The following COL8A1 variants were observed in gnomAD, a reference collection of about 807,000 sequenced individuals.
COL8A1 encodes collagen type VIII alpha 1 chain, also known as collagen alpha-1(VIII) chain.
COL8A1 carries 21 observed loss-of-function variants against 42.7 expected under a neutral mutation model. The observed-to-expected ratio is 0.49, with a 90% CI of 0.35 to 0.71. The LOEUF (loss-of-function observed/expected upper bound fraction) is 0.71. Ranked by LOEUF, COL8A1 falls within the 30% of genes least tolerant of loss-of-function variation. The probability of loss-of-function intolerance (pLI) is 0.01; values close to 1 mark genes in which losing one functional copy is unlikely to be tolerated. For synonymous variants in COL8A1, 367 were observed against 369.1 expected, an observed-to-expected ratio of 0.99 and a Z score of 0.06; for missense variants, 788 against 962.4, an observed-to-expected ratio of 0.82 and a Z score of 2.40.
At chr3:99,787,780 C>G (rs1165790573) in intron 2 of COL8A1, among the ~76,000 whole-genome samples, 1 of 152,062 alleles carries the variant, frequency 6.6e-6, no homozygotes, top group Non-Finnish European at 1.5e-5. Context: ...TGACATGACA[C>G]CCATCACTAA....
At chr3:99,765,398 G>A (rs1481936954) in intron 2 of COL8A1, among the ~76,000 whole-genome samples, 1 of 152,160 alleles carries the variant, frequency 6.6e-6, no homozygotes, top group Non-Finnish European at 1.5e-5. Context: ...GGAATACAAT[G>A]AGAATCCACA....
intron 1 of COL8A1, among the ~76,000 whole-genome samples, chr3:99,701,262 T>C (rs932827862): frequency 2.6e-5 from 4 of 152,208 alleles, no homozygotes; most frequent in African/African-American, 7.2e-5. Context: ...TAAAAGATCT[T>C]GGGTTTGTGT....
intron 1 of COL8A1, among the ~76,000 whole-genome samples, chr3:99,640,325 A>G (rs1447143093): frequency 6.6e-6 from 1 of 152,216 alleles, no homozygotes; most frequent in Non-Finnish European, 1.5e-5. Context: ...AACCATGACA[A>G]GAGTACAGGT....
intron 1 of COL8A1, among the ~76,000 whole-genome samples, chr3:99,708,707 C>T (rs1478657722): frequency 3.3e-5 from 5 of 152,132 alleles, no homozygotes; most frequent in South Asian, 2.1e-4. Context: ...TGACACCTCA[C>T]AGCAGAATTT....
At chr3:99,734,015 A>C (rs1034345413) in intron 1 of COL8A1, among the ~76,000 whole-genome samples, 11 of 151,808 alleles carry the variant, frequency 7.2e-5, no homozygotes, top group South Asian at 2.1e-4. Flanking sequence ...TTTCTTGTAA[A>C]TTTGTTTGAG....
At chr3:99,667,987 A>T (rs1053934031) in intron 1 of COL8A1, among the ~76,000 whole-genome samples, 8 of 152,142 alleles carry the variant, frequency 5.3e-5, no homozygotes, top group Non-Finnish European at 1.0e-4. Context: ...TCTCCATATG[A>T]GCTGGACCAG....
intron 1 of COL8A1, among the ~76,000 whole-genome samples, chr3:99,671,698 G>C (rs773175730): frequency 1.3e-5 from 2 of 151,930 alleles, no homozygotes; most frequent in African/African-American, 2.4e-5. Context: ...GGAGAAAATG[G>C]AACCATTGTA....
chr3:99,764,570 G>C (rs1941423535), intron 2 of COL8A1, among the ~76,000 whole-genome samples: 1 of 151,978 alleles, frequency 6.6e-6, no homozygotes, highest in Non-Finnish European at 1.5e-5. Flanking sequence ...TTCCAGTCCT[G>C]TTACTTACTG....
At position 99,798,177 on chromosome 3, in the gene COL8A1, T is replaced by G. The variant is rs1368139578; in HGVS notation, c.*2041T>G. The G allele has an allele frequency of 6.6e-6, 1 of 152,244 alleles. No homozygotes were observed. The highest frequency in any genetic ancestry group is 1.5e-5 in the Non-Finnish European group (1 of 68,038). The allele number at this position is 152,244 out of a possible 1,614,324, so 9.4% of individuals were successfully genotyped here. ...TTGGCCAATATCTCATTTCCCTATA[T>G]AGTATACAAGCACCATTTCTTCTCA... is the stretch of plus-strand genomic sequence containing the variant. On this transcript the variant is annotated 3_prime_UTR_variant, in exon 4 of 4. Transcript: ENST00000652472.
intron 2 of COL8A1, among the ~76,000 whole-genome samples, chr3:99,747,279 A>G (rs554752685): frequency 1.8e-4 from 27 of 152,348 alleles, no homozygotes; most frequent in African/African-American, 6.3e-4. Flanking sequence ...CCTCTAAGCA[A>G]CAATCATCAT....
chr3:99,649,426 A>G (rs1385267621), intron 1 of COL8A1, among the ~76,000 whole-genome samples: 1 of 152,170 alleles, frequency 6.6e-6, no homozygotes, highest in Non-Finnish European at 1.5e-5. Context: ...TTGACGGTGA[A>G]TAAAGATTTT....
rs561542368 is a variant in COL8A1, at chr3:99,736,778, G to A, written c.-128-8119G>A. Among the ~76,000 whole-genome samples the A allele has an allele frequency of 4.5e-3, 681 of 151,186 alleles. 4 individuals are homozygous for A. The highest frequency in any genetic ancestry group is 0.016 in the African/African-American group (642 of 41,364). On this transcript the variant is annotated intron_variant, in intron 1 of 3. Transcript: ENST00000652472. ...TGGTGCAGAGCTGAGTTCAATTCCT[G>A]GGTATCCTTGTTGACTTTCTGTCTC... is the stretch of plus-strand genomic sequence containing the variant.
At chr3:99,735,101 G>C (rs1474351664) in intron 1 of COL8A1, among the ~76,000 whole-genome samples, 1 of 148,342 alleles carries the variant, frequency 6.7e-6, no homozygotes, top group Non-Finnish European at 1.5e-5. Flanking sequence ...TGCAAACAGG[G>C]ACAATTTGAC....
At chr3:99,757,798 G>A (rs763774006) in intron 2 of COL8A1, among the ~76,000 whole-genome samples, 4 of 152,140 alleles carry the variant, frequency 2.6e-5, no homozygotes, top group African/African-American at 7.2e-5. Flanking sequence ...AGTATTTAAT[G>A]AGAAAACAGA....
At chr3:99,728,092 T>C (rs1429991280) in intron 1 of COL8A1, among the ~76,000 whole-genome samples, 6 of 151,844 alleles carry the variant, frequency 4.0e-5, no homozygotes, top group Non-Finnish European at 7.4e-5. Context: ...AAGACAGGGA[T>C]ACCCTCTCTC....
chr3:99,784,651 C>T (rs532371122), intron 2 of COL8A1, among the ~76,000 whole-genome samples: 18 of 152,264 alleles, frequency 1.2e-4, no homozygotes, highest in South Asian at 2.1e-4. Context: ...AAAGATAATG[C>T]ATTGCACCAC....
intron 1 of COL8A1, among the ~76,000 whole-genome samples, chr3:99,674,444 TA>T (rs372040145): frequency 1.5e-3 from 211 of 142,514 alleles, no homozygotes; most frequent in East Asian, 3.6e-3. Flanking sequence ...TCTCCTTTTT[TA>T]AAAAAAAAAA....
At chr3:99,692,979 T>G (rs935835827) in intron 1 of COL8A1, among the ~76,000 whole-genome samples, 2 of 152,212 alleles carry the variant, frequency 1.3e-5, no homozygotes, top group Admixed American at 1.3e-4. Context: ...ACCAACATGG[T>G]GAAACCTTGT....
intron 1 of COL8A1, among the ~76,000 whole-genome samples, chr3:99,657,474 A>G (rs1938058020): frequency 6.6e-6 from 1 of 152,184 alleles, no homozygotes; most frequent in Admixed American, 6.5e-5. Context: ...AGCTGATAAG[A>G]CTGAGTAGCT....
Sources: gnomAD v4.1 joint callset for allele counts (sites outside exome capture counted in the v4.1 genomes callset) on GRCh38, gnomAD v4.1.1 for gene constraint, MANE v1.5 for transcripts, NCBI Gene and HGNC (gene_info 2026-07-23, HGNC 2026-07-21) for gene names.